The following NCOA3 variants were observed in gnomAD, a reference collection of about 807,000 sequenced individuals.
NCOA3 encodes the protein CBP-interacting protein.
A neutral mutation model predicts 158.8 loss-of-function variants in NCOA3; 51 were observed. The ratio of observed to expected loss-of-function variants is 0.32; its 90% CI spans 0.26 to 0.41. NCOA3 has a LOEUF of 0.41. Among genes scored for constraint, NCOA3 ranks in the 10% least tolerant of loss-of-function variants. The pLI is 1.00. For missense variants in NCOA3, 1,510 were observed against 1,746.6 expected, an observed-to-expected ratio of 0.86 and a Z score of 2.41; for synonymous variants, 537 against 592.4, an observed-to-expected ratio of 0.91 and a Z score of 1.36.
At chr20:47,508,816 C>A (rs1018138228) in intron 1 of NCOA3, among the ~76,000 whole-genome samples, 1 of 152,082 alleles carries the variant, frequency 6.6e-6, no homozygotes, top group Non-Finnish European at 1.5e-5. Flanking sequence ...TAGCTTGTTA[C>A]TTTGAAAAGA....
chr20:47,580,582 C>A (rs755711572), intron 1 of NCOA3, among the ~76,000 whole-genome samples: 7 of 151,750 alleles, frequency 4.6e-5, no homozygotes, highest in African/African-American at 7.3e-5. Context: ...CCAAAAAATC[C>A]TTTCCTTATC....
At chr20:47,508,091 A>G (rs988711876) in intron 1 of NCOA3, among the ~76,000 whole-genome samples, 3 of 152,146 alleles carry the variant, frequency 2.0e-5, no homozygotes, top group African/African-American at 7.2e-5. Flanking sequence ...TAACTTCGTG[A>G]TACTATCCAT....
intron 1 of NCOA3, among the ~76,000 whole-genome samples, chr20:47,564,193 T>C (rs1232961684): frequency 6.6e-6 from 1 of 151,860 alleles, no homozygotes; most frequent in Admixed American, 6.6e-5. Flanking sequence ...TCCGTTTTTT[T>C]CCCCAAGTAT....
chr20:47,593,526 G>T (rs904990080), intron 2 of NCOA3, among the ~76,000 whole-genome samples: 2 of 150,468 alleles, frequency 1.3e-5, no homozygotes, highest in African/African-American at 4.9e-5. Flanking sequence ...TGTATTTTTA[G>T]TAGAGATGGG....
intron 2 of NCOA3, among the ~76,000 whole-genome samples, chr20:47,600,295 C>G (rs1244821069): frequency 6.6e-6 from 1 of 151,800 alleles, no homozygotes; most frequent in Non-Finnish European, 1.5e-5. Flanking sequence ...CTGCCTTAGC[C>G]TCCCAAGTAG....
chr20:47,576,836 T>A (rs1020274964), intron 1 of NCOA3, among the ~76,000 whole-genome samples: 7 of 152,184 alleles, frequency 4.6e-5, no homozygotes, highest in African/African-American at 1.7e-4. Context: ...TTTGCTCACT[T>A]CCCCACCCAA....
At chr20:47,610,145 A>G (rs1320152297) in intron 2 of NCOA3, among the ~76,000 whole-genome samples, 1 of 152,194 alleles carries the variant, frequency 6.6e-6, no homozygotes, top group African/African-American at 2.4e-5. Flanking sequence ...TTGTCATCAG[A>G]TGAATAATGG....
At chr20:47,535,515 CTT>C (rs1273521715) in intron 1 of NCOA3, among the ~76,000 whole-genome samples, 2 of 144,194 alleles carry the variant, frequency 1.4e-5, no homozygotes, top group African/African-American at 2.5e-5. Context: ...GGTTTTTTTG[CTT>C]TTTTTTTTTG....
intron 19 of NCOA3, 116 bp from the exon 20 acceptor site, chr20:47,650,866 A>G: frequency 2.0e-6 from 2 of 1,013,084 alleles, no homozygotes; most frequent in Non-Finnish European, 3.0e-6. Context: ...CTGTTAAAAA[A>G]AAGAAGGCCC....
chr20:47,651,353 A>G (rs2086792231), intron 20 of NCOA3, 77 bp downstream of exon 20: 4 of 1,518,676 alleles, frequency 2.6e-6, no homozygotes, highest in South Asian at 1.3e-5. Context: ...TTTATTGCAC[A>G]TGAAAGACAA....
intron 1 of NCOA3, among the ~76,000 whole-genome samples, chr20:47,531,734 C>G (rs1361404955): frequency 6.6e-6 from 1 of 152,182 alleles, no homozygotes; most frequent in East Asian, 1.9e-4. Flanking sequence ...CTGCAACTGT[C>G]TTATCCCTTC....
chr20:47,520,275 T>TTCTC (rs61417142), intron 1 of NCOA3, among the ~76,000 whole-genome samples: 23,358 of 151,804 alleles, frequency 0.15, 2,799 homozygotes, highest in African/African-American at 0.32. Context: ...TCTTTACTGC[T>TTCTC]TCTCTCTCTG....
At chr20:47,502,361 C>G (rs1343818980) in intron 1 of NCOA3, among the ~76,000 whole-genome samples, 1 of 152,094 alleles carries the variant, frequency 6.6e-6, no homozygotes, top group African/African-American at 2.4e-5. Context: ...AAAGTTTTTT[C>G]TTCCTCTTGC....
At chr20:47,608,022 T>C (rs1415162592) in intron 2 of NCOA3, among the ~76,000 whole-genome samples, 1 of 152,110 alleles carries the variant, frequency 6.6e-6, no homozygotes, top group Non-Finnish European at 1.5e-5. Context: ...CTTTAAAAAG[T>C]GAATGAGGGC....
At chr20:47,544,316 CTTTTTTTT>C (rs397866275) in intron 1 of NCOA3, among the ~76,000 whole-genome samples, 62 of 99,704 alleles carry the variant, frequency 6.2e-4, no homozygotes, top group Middle Eastern at 7.0e-3. Flanking sequence ...TTTAATACTA[CTTTTTTTT>C]TTTTTTTTTT....
intron 1 of NCOA3, among the ~76,000 whole-genome samples, chr20:47,525,855 C>T (rs1325007277): frequency 1.2e-4 from 5 of 41,322 alleles, no homozygotes; most frequent in African/African-American, 3.1e-4. Context: ...AGGTGCCCCT[C>T]ACTTCCCGGA....
chr20:47,597,687 C>A (rs2085783881), intron 2 of NCOA3, among the ~76,000 whole-genome samples: 1 of 151,644 alleles, frequency 6.6e-6, no homozygotes, highest in Admixed American at 6.6e-5. Context: ...TAGGGTCTCT[C>A]CATATTGTCC....
At chr20:47,589,554 T>A (rs77717795) in intron 2 of NCOA3, among the ~76,000 whole-genome samples, 3 of 151,948 alleles carry the variant, frequency 2.0e-5, no homozygotes, top group Admixed American at 2.0e-4. Flanking sequence ...TTTTTTTTTT[T>A]AAGTAGTGAC....
chr20:47,607,137 A>G (rs1488960136), intron 2 of NCOA3, among the ~76,000 whole-genome samples: 1 of 152,208 alleles, frequency 6.6e-6, no homozygotes, highest in African/African-American at 2.4e-5. Context: ...ATGAGACAGC[A>G]TGAAAATTCA....
Sources: gnomAD v4.1 joint callset for allele counts (sites outside exome capture counted in the v4.1 genomes callset) on GRCh38, gnomAD v4.1.1 for gene constraint, MANE v1.5 for transcripts, NCBI Gene and HGNC (gene_info 2026-07-23, HGNC 2026-07-21) for gene names.